The following PID1 variants were observed in gnomAD, a reference collection of about 807,000 sequenced individuals.
PID1 encodes the protein phosphotyrosine interaction domain containing 1, also known as PTB-containing, cubilin and LRP1-interacting protein.
A neutral mutation model predicts 19.1 loss-of-function variants in PID1; 10 were observed. That is an observed-to-expected ratio of 0.52 (90% confidence interval 0.32 to 0.89). The LOEUF (loss-of-function observed/expected upper bound fraction) is 0.89, where lower values mean the gene tolerates loss of function less well. Ranked by LOEUF, PID1 falls within the 40% of genes least tolerant of loss-of-function variation. The pLI, the probability that PID1 is intolerant of heterozygous loss-of-function variation, is 0.03. For missense variants in PID1, 248 were observed against 285.3 expected (o/e 0.87, Z 0.94); for synonymous variants, 130 against 116.0 (o/e 1.12, Z -0.78).
intron 1 of PID1, among the ~76,000 whole-genome samples, chr2:229,212,562 T>C (rs561327684): frequency 6.6e-6 from 1 of 152,256 alleles, no homozygotes; most frequent in East Asian, 1.9e-4. Flanking sequence ...AGATTGTTAT[T>C]TCCATGTTAA....
At chr2:229,138,268 G>T (rs1689896680) in intron 2 of PID1, among the ~76,000 whole-genome samples, 1 of 152,176 alleles carries the variant, frequency 6.6e-6, no homozygotes, top group Non-Finnish European at 1.5e-5. Flanking sequence ...TAGCACATCT[G>T]CTGTAAAAAC....
intron 2 of PID1, among the ~76,000 whole-genome samples, chr2:229,086,558 A>G (rs961897369): frequency 6.6e-6 from 1 of 152,166 alleles, no homozygotes; most frequent in Non-Finnish European, 1.5e-5. Context: ...AGGTTTTATA[A>G]AAGTAAAAGA....
intron 2 of PID1, among the ~76,000 whole-genome samples, chr2:229,135,967 C>G (rs538401379): frequency 6.6e-6 from 1 of 152,168 alleles, no homozygotes; most frequent in African/African-American, 2.4e-5. Context: ...CTAAAATCCA[C>G]GCCTTTTTAC....
chr2:229,159,528 G>A (rs777905963), intron 1 of PID1, among the ~76,000 whole-genome samples: 18 of 152,210 alleles, frequency 1.2e-4, no homozygotes, highest in Non-Finnish European at 2.1e-4. Flanking sequence ...TTCAGCCCAC[G>A]GTTCCAGCCC....
Position 229,089,207 on chromosome 2 carries a change from T to C in PID1, c.178-63099A>G, listed in dbSNP as rs568305794. 1.8e-3 allele frequency among the ~76,000 whole-genome samples: 276 copies of C among 152,336 alleles called. 3 individuals are homozygous for C. The highest frequency in any genetic ancestry group is 6.3e-3 in the African/African-American group (261 of 41,586). The stretch of plus-strand genomic sequence containing the variant: ...CAGCTGGTCATCAATAACTCGCACT[T>C]GCTGCTTGCCTGCAGCTATTACTTG... On this transcript the variant is annotated intron_variant, in intron 2 of 2. Coordinates refer to ENST00000392055, the MANE Select transcript of PID1 (RefSeq NM_001100818.2).
intron 1 of PID1, among the ~76,000 whole-genome samples, chr2:229,266,409 T>A (rs912554460): frequency 6.6e-6 from 1 of 152,162 alleles, no homozygotes; most frequent in Admixed American, 6.5e-5. Context: ...TTAACTTCAA[T>A]AGGAGACAGC....
chr2:229,203,602 C>T (rs770008474), intron 1 of PID1, among the ~76,000 whole-genome samples: 35 of 152,036 alleles, frequency 2.3e-4, no homozygotes, highest in Non-Finnish European at 3.8e-4. Context: ...CAACAATATG[C>T]TATACTACTG....
At position 229,138,336 on chromosome 2, in the gene PID1, T is replaced by C. The variant is rs148401905; in HGVS notation, c.177+17482A>G. ...TTGTACTAAATTTTAACTCATGCAG[T>C]TTCCCTCTTCTATCTGTCCATCACC... is the stretch of plus-strand genomic sequence containing the variant. On this transcript the variant is annotated intron_variant, in intron 2 of 2. Coordinates refer to ENST00000392055, the MANE Select transcript of PID1 (RefSeq NM_001100818.2). Among the ~76,000 whole-genome samples the C allele has an allele frequency of 1.6e-3, 245 of 152,232 alleles. 1 individual carries two copies. Among genetic ancestry groups the C allele is most frequent in the African/African-American group, 5.4e-3 (226 of 41,538 alleles).
At chr2:229,038,263 T>C (rs1693702700) in intron 2 of PID1, among the ~76,000 whole-genome samples, 1 of 152,214 alleles carries the variant, frequency 6.6e-6, no homozygotes, top group Non-Finnish European at 1.5e-5. Flanking sequence ...TTATTTGCAA[T>C]AGCCAAAAAC....
At chr2:229,172,872 C>A (rs1390722921) in intron 1 of PID1, among the ~76,000 whole-genome samples, 1 of 152,136 alleles carries the variant, frequency 6.6e-6, no homozygotes, top group Non-Finnish European at 1.5e-5. Context: ...GCAGGGATTA[C>A]AAGTGCGTGC....
intron 2 of PID1, among the ~76,000 whole-genome samples, chr2:229,143,453 C>G (rs541648984): frequency 1.2e-4 from 18 of 152,184 alleles, no homozygotes; most frequent in African/African-American, 3.6e-4. Context: ...CAGGATTTTC[C>G]TTAAGTTTGT....
At chr2:229,136,333 C>T (rs976409952) in intron 2 of PID1, among the ~76,000 whole-genome samples, 2 of 152,148 alleles carry the variant, frequency 1.3e-5, no homozygotes, top group African/African-American at 4.8e-5. Flanking sequence ...ACCACAACCT[C>T]AGGAGAGACC....
At chr2:229,223,195 A>G (rs1383742232) in intron 1 of PID1, among the ~76,000 whole-genome samples, 1 of 152,180 alleles carries the variant, frequency 6.6e-6, no homozygotes, top group Non-Finnish European at 1.5e-5. Flanking sequence ...CCACCATACC[A>G]AGGGCCTAGT....
intron 1 of PID1, among the ~76,000 whole-genome samples, chr2:229,208,737 A>G (rs913566094): frequency 1.3e-5 from 2 of 152,202 alleles, no homozygotes; most frequent in African/African-American, 2.4e-5. Flanking sequence ...TCAAAGCAAC[A>G]TGTGTCCCTT....
intron 2 of PID1, among the ~76,000 whole-genome samples, chr2:229,110,446 G>C (rs1238897829): frequency 1.3e-5 from 2 of 152,170 alleles, no homozygotes; most frequent in Admixed American, 1.3e-4. Flanking sequence ...AGGAGAAGAG[G>C]TTCTCTAGGA....
chr2:229,079,122 T>G (rs1354764722), intron 2 of PID1, among the ~76,000 whole-genome samples: 1 of 152,206 alleles, frequency 6.6e-6, no homozygotes, highest in East Asian at 1.9e-4. Flanking sequence ...ATACTTTTCT[T>G]TTTGTCAAGT....
chr2:229,090,368 A>G (rs941559327), intron 2 of PID1, among the ~76,000 whole-genome samples: 2 of 152,186 alleles, frequency 1.3e-5, no homozygotes, highest in Admixed American at 1.3e-4. Flanking sequence ...AATACACACA[A>G]GGCATTGAGT....
At position 229,129,570 on chromosome 2, in the gene PID1, A is replaced by G. The variant is rs192509013; in HGVS notation, c.177+26248T>C. On this transcript the variant is annotated intron_variant, in intron 2 of 2. Coordinates refer to ENST00000392055, the MANE Select transcript of PID1 (RefSeq NM_001100818.2). The stretch of plus-strand genomic sequence containing the variant: ...TGGCAGTTCTCCTCAACTGGATAAC[A>G]TATTGGGCTCTGGATAACTATATTA... Among the ~76,000 whole-genome samples the G allele has an allele frequency of 2.9e-3, 449 of 152,350 alleles. 4 individuals carry two copies. The highest frequency in any genetic ancestry group is 3.6e-3 in the Non-Finnish European group (248 of 68,028).
At chr2:229,090,733 G>T in intron 2 of PID1, among the ~76,000 whole-genome samples, 1 of 152,160 alleles carries the variant, frequency 6.6e-6, no homozygotes, top group East Asian at 1.9e-4. Context: ...AGAAATGAGA[G>T]AAAAATACAT....
Sources: allele counts gnomAD v4.1 joint callset (sites outside exome capture counted in the v4.1 genomes callset), GRCh38; gene constraint gnomAD v4.1.1; transcripts MANE v1.5; gene names NCBI Gene and HGNC (gene_info 2026-07-23, HGNC 2026-07-21).